DACH2: variants seen among roughly 807,000 people sequenced by gnomAD.
The protein encoded by DACH2 is dachshund homolog 2.
Under a neutral mutation model 35.8 loss-of-function variants are expected in DACH2, and 17 were observed. The observed-to-expected ratio is 0.48, with a 90% CI of 0.33 to 0.71. The LOEUF is 0.71. DACH2 is among the 30% of genes least tolerant of loss of function. The pLI is 0.02. For synonymous variants in DACH2, 195 were observed against 177.3 expected (o/e 1.10, Z -0.79); for missense variants, 469 against 472.7 (o/e 0.99, Z 0.07).
intron 1 of DACH2, among the ~76,000 whole-genome samples, chrX:86,298,142 G>T (rs981565580): frequency 9.0e-6 from 1 of 111,600 alleles, no homozygotes; most frequent in East Asian, 2.8e-4. Context: ...TTGCTTTAGA[G>T]CCCTAGAAAT....
chrX:86,654,048 G>T lies in DACH2; in HGVS notation c.772+2881G>T, dbSNP rs767622496. On this transcript the variant is annotated intron_variant, in intron 4 of 11. Transcript: ENST00000373125. ...GTCCTCTGTTTCTGACTGCTGCCTT[G>T]ATGGATCCCGACATGATTTCTCTGT... 3.7e-5 allele frequency among the ~76,000 whole-genome samples: 4 copies of T among 108,888 alleles called. No homozygotes were observed. In the South Asian group the frequency reaches 1.6e-3, roughly 44 times the overall value. 94.6% of individuals were successfully genotyped at this position (108,888 alleles called of 115,157 possible).
chrX:86,307,616 G>A (rs2034715955), intron 1 of DACH2, among the ~76,000 whole-genome samples: 1 of 111,105 alleles, frequency 9.0e-6, no homozygotes, highest in Non-Finnish European at 1.9e-5. Context: ...AACAGTGATG[G>A]CCTCCAGTGA....
chrX:86,570,135 G>C (rs761699273), intron 3 of DACH2, among the ~76,000 whole-genome samples: 12 of 111,679 alleles, frequency 1.1e-4, no homozygotes, highest in African/African-American at 3.9e-4. Flanking sequence ...TTACACTGTT[G>C]GTGGGAATAT....
At chrX:86,503,286 CT>C (rs749184796) in intron 2 of DACH2, among the ~76,000 whole-genome samples, 2 of 111,787 alleles carry the variant, frequency 1.8e-5, no homozygotes, top group Admixed American at 9.5e-5. Context: ...ACAATTTGAG[CT>C]GTATCGGGAT....
intron 6 of DACH2, among the ~76,000 whole-genome samples, chrX:86,725,120 T>A (rs1033605288): frequency 9.0e-6 from 1 of 111,277 alleles, no homozygotes; most frequent in African/African-American, 3.3e-5. Context: ...GTTTTCAGAT[T>A]TCTCTTTCAT....
At chrX:86,625,349 A>C (rs1477520347) in intron 3 of DACH2, among the ~76,000 whole-genome samples, 2 of 109,701 alleles carry the variant, frequency 1.8e-5, no homozygotes, top group Admixed American at 9.9e-5. Context: ...ACTACCTTGC[A>C]TATATCAGAT....
chrX:86,531,657 T>C (rs1602615440), intron 3 of DACH2, among the ~76,000 whole-genome samples: 1 of 110,570 alleles, frequency 9.0e-6, no homozygotes, highest in Non-Finnish European at 1.9e-5. Flanking sequence ...AGAAGTCTGC[T>C]ACAGGGCAGA....
intron 1 of DACH2, among the ~76,000 whole-genome samples, chrX:86,202,044 A>T (rs2032169929): frequency 9.0e-6 from 1 of 111,697 alleles, no homozygotes; most frequent in Non-Finnish European, 1.9e-5. Context: ...ATATATTTTT[A>T]TTTGTTTTAT....
At chrX:86,615,152 G>C (rs1389806978) in intron 3 of DACH2, among the ~76,000 whole-genome samples, 1 of 111,632 alleles carries the variant, frequency 9.0e-6, no homozygotes, top group Non-Finnish European at 1.9e-5. Flanking sequence ...TCTGAAGAAA[G>C]AGAAGCTCTG....
intron 1 of DACH2, among the ~76,000 whole-genome samples, chrX:86,316,107 C>G (rs1453298091): frequency 9.9e-6 from 1 of 100,761 alleles, no homozygotes; most frequent in African/African-American, 3.5e-5. Flanking sequence ...CTGTCCTGCT[C>G]TGTGCTGTTT....
At chrX:86,358,915 C>T (rs777536119) in intron 1 of DACH2, among the ~76,000 whole-genome samples, 29 of 111,270 alleles carry the variant, frequency 2.6e-4, no homozygotes, top group Admixed American at 1.1e-3. Flanking sequence ...GCTAGGCCTG[C>T]AGAATATCAT....
rs1412890593 is a variant in DACH2, at chrX:86,832,594, T to TTGAC, written c.*441_*444dup. The TTGAC allele has an allele frequency of 8.6e-6, 1 of 116,628 alleles. No individual in the cohort carries two copies. The highest frequency in any genetic ancestry group is 1.8e-5 in the Non-Finnish European group (1 of 56,360). 9.6% of individuals were successfully genotyped at this position (116,628 alleles called of 1,213,427 possible). On this transcript the variant is annotated 3_prime_UTR_variant, in exon 12 of 12. Coordinates refer to ENST00000373125, the MANE Select transcript of DACH2 (RefSeq NM_053281.3). ...AAACTTCAGCGTAAATAAAAACATT[T>TTGAC]TGACTTTGTCAATTGTCACTGAGTA...
chrX:86,479,409 C>A (rs1442557549), intron 2 of DACH2, among the ~76,000 whole-genome samples: 1 of 110,985 alleles, frequency 9.0e-6, no homozygotes, highest in East Asian at 2.8e-4. Context: ...CACTTCCCTG[C>A]CCCCTGTTCC....
chrX:86,324,728 G>C (rs34236434), intron 1 of DACH2, among the ~76,000 whole-genome samples: 21,142 of 107,421 alleles, frequency 0.2, 2,502 homozygotes, highest in African/African-American at 0.44. Context: ...ACAGGCGCCC[G>C]CACCTTGCCT....
intron 7 of DACH2, among the ~76,000 whole-genome samples, chrX:86,753,271 A>G (rs944131949): frequency 7.1e-5 from 8 of 112,169 alleles, no homozygotes; most frequent in African/African-American, 2.3e-4. Context: ...AATTTCTCCA[A>G]AACAGACATA....
chrX:86,516,589 TGA>T (rs1022317295), intron 3 of DACH2, among the ~76,000 whole-genome samples: 23 of 98,593 alleles, frequency 2.3e-4, no homozygotes, highest in African/African-American at 1.2e-3. Flanking sequence ...GTGGCAGAAC[TGA>T]GTTTCTTTTT....
chrX:86,432,417 C>T (rs769861327), intron 2 of DACH2, among the ~76,000 whole-genome samples: 1 of 111,925 alleles, frequency 8.9e-6, no homozygotes, highest in Non-Finnish European at 1.9e-5. Context: ...TGACAGTAAT[C>T]CTGACAAAAG....
At chrX:86,257,276 C>T (rs375050383) in intron 1 of DACH2, among the ~76,000 whole-genome samples, 1 of 111,748 alleles carries the variant, frequency 8.9e-6, no homozygotes, top group East Asian at 2.8e-4. Flanking sequence ...AGGCAATGTG[C>T]TAAACTCTTT....
chrX:86,563,784 C>T (rs5923562), intron 3 of DACH2, among the ~76,000 whole-genome samples: 35,352 of 109,522 alleles, frequency 0.32, 4,661 homozygotes, highest in Middle Eastern at 0.47. Flanking sequence ...CTCCTAAGTT[C>T]CATTGGCCCA....
Sources: allele counts gnomAD v4.1 joint callset (sites outside exome capture counted in the v4.1 genomes callset), GRCh38; gene constraint gnomAD v4.1.1; transcripts MANE v1.5; gene names NCBI Gene and HGNC (gene_info 2026-07-23, HGNC 2026-07-21).